NPR2: variants seen among roughly 807,000 people sequenced by gnomAD.
The protein encoded by NPR2 is natriuretic peptide receptor 2, also known as atrial natriuretic peptide receptor 2.
Under a neutral mutation model 120.7 loss-of-function variants are expected in NPR2, and 49 were observed. The observed-to-expected ratio is 0.41, with a 90% CI of 0.32 to 0.52. The LOEUF (loss-of-function observed/expected upper bound fraction) is 0.52, where lower values mean the gene tolerates loss of function less well. NPR2 is among the 20% of genes least tolerant of loss of function. The pLI, the probability that NPR2 is intolerant of heterozygous loss-of-function variation, is 0.36. For missense variants in NPR2, 931 were observed against 1,362.9 expected (o/e 0.68, Z 4.99); for synonymous variants, 484 against 519.8 (o/e 0.93, Z 0.94).
intron 1 of NPR2, 29 bp from the exon 2 acceptor site, chr9:35,793,869 G>A (rs1827862929): frequency 2.5e-6 from 4 of 1,610,858 alleles, no homozygotes; most frequent in South Asian, 1.1e-5. Flanking sequence ...CCTTCTCAGG[G>A]TGCTCCTCTG....
intron 2 of NPR2, among the ~76,000 whole-genome samples, chr9:35,795,030 T>C (rs1282182359): frequency 6.6e-6 from 1 of 152,290 alleles, no homozygotes; most frequent in Middle Eastern, 3.4e-3. Context: ...GTGGGGAATG[T>C]TGGCATGACT....
Position 35,800,752 on chromosome 9 carries a change from C to T in NPR2, c.1262C>T (p.Thr421Met), listed in dbSNP as rs140361919. The T allele has an allele frequency of 4.3e-5, 69 of 1,614,094 alleles. No individual in the cohort carries two copies. Among genetic ancestry groups the T allele is most frequent in the African/African-American group, 2.9e-4 (22 of 75,000 alleles). The change falls in exon 6 of 22, where the codon ACG (threonine) becomes ATG (methionine). Residue 421 changes from threonine to methionine, a missense_variant. Thr to Met is a moderately conservative substitution (Grantham distance 81, BLOSUM62 -1). This residue lies in a region of NPR2 where 681 missense variants were observed against 974.3 expected (regional missense o/e 0.70). Coordinates refer to ENST00000342694, the MANE Select transcript of NPR2 (RefSeq NM_003995.4). This position sits in a 1 kb window ranked among gnomAD's most constrained non-coding sequence, Gnocchi z 4.7. ...GGAGCTGAGAAGCAGATTTGGTGGACGGGACGGCCTATTCCCTGGGTGAAG... is the reference window on the plus strand; with the variant it reads ...GGAGCTGAGAAGCAGATTTGGTGGATGGGACGGCCTATTCCCTGGGTGAAG... The part of the protein sequence containing the change: ...YSGAEKQIWW[T>M]GRPIPWVKGA...
chr9:35,800,513 G>C lies in NPR2; in HGVS notation c.1218+30G>C, dbSNP rs569929256. On this transcript the variant is annotated intron_variant, in intron 5 of 21. Coordinates refer to ENST00000342694, the MANE Select transcript of NPR2 (RefSeq NM_003995.4). The surrounding 1 kb of genome is among the most constrained non-coding windows in gnomAD (Gnocchi z 4.7). The stretch of plus-strand genomic sequence containing the variant: ...TGGAGGAGGAGGCAGGGAAGAGAGT[G>C]TGGCCCTGCAAAATCCAGCTTTCAA... 5.7e-6 allele frequency: 9 copies of C among 1,592,808 alleles called. No homozygotes were observed. The Admixed American group carries it at 8.3e-5, about 15-fold the overall frequency.
At chr9:35,807,510 C>T in intron 18 of NPR2, 112 bp downstream of exon 18, 1 of 858,114 alleles carries the variant, frequency 1.2e-6, no homozygotes, top group East Asian at 2.4e-5. Context: ...GTTTTCCCTC[C>T]AGGGTACTCA....
Position 35,802,538 on chromosome 9 carries a change from C to T in NPR2, c.1746C>T (p.Phe582=), listed in dbSNP as rs1828210762. 1 of 1,609,336 alleles carries T rather than the reference C, an allele frequency of 6.2e-7. No homozygotes were observed. The highest frequency in any genetic ancestry group is 1.3e-5 in the African/African-American group (1 of 74,956). The change falls in exon 11 of 22, where the codon TTC becomes TTT. Residue 582 remains phenylalanine (F), a synonymous_variant. Transcript: ENST00000342694. This position sits in a 1 kb window ranked among gnomAD's most constrained non-coding sequence, Gnocchi z 4.2. ...TTCAGTTCAACCATCTCACTCGCTTCATTGGCGCCTGCATAGACCCTCCCA... is the reference window on the plus strand; with the variant it reads ...TTCAGTTCAACCATCTCACTCGCTTTATTGGCGCCTGCATAGACCCTCCCA... ...RDVQFNHLTR[F]IGACIDPPNI...
intron 1 of NPR2, among the ~76,000 whole-genome samples, chr9:35,793,550 G>A (rs1468434108): frequency 6.6e-6 from 1 of 152,170 alleles, no homozygotes; most frequent in Admixed American, 6.5e-5. Context: ...AGAAATCTGT[G>A]CTGTCTGTGC....
Position 35,805,996 on chromosome 9 carries a change from A to G in NPR2, c.2203+11A>G, listed in dbSNP as rs1448338533. 1 of 1,614,184 alleles carries G rather than the reference A, an allele frequency of 6.2e-7. No individual in the cohort carries two copies. The highest frequency in any genetic ancestry group is 1.1e-5 in the South Asian group (1 of 91,086). On this transcript the variant is annotated intron_variant, in intron 14 of 21. Coordinates refer to ENST00000342694, the MANE Select transcript of NPR2 (RefSeq NM_003995.4). This position sits in a 1 kb window ranked among gnomAD's most constrained non-coding sequence, Gnocchi z 4.9. ...ACCTCAGCCCCAAAGGTAAGAGTCA[A>G]TCCACTACCCACAGCCTCTTCTTCC...
Position 35,800,965 on chromosome 9 carries a change from A to G in NPR2, c.1352-105A>G. 5.2e-6 allele frequency: 8 copies of G among 1,535,382 alleles called. No homozygotes were observed. The highest frequency in any genetic ancestry group is 7.2e-6 in the Non-Finnish European group (8 of 1,108,854). ...TTTACGTCTGCATCCCTCCCTCCTCATTTCTTCCTACTCCCAAGGAGTCTG... is the reference window on the plus strand; with the variant it reads ...TTTACGTCTGCATCCCTCCCTCCTCGTTTCTTCCTACTCCCAAGGAGTCTG... On this transcript the variant is annotated intron_variant, in intron 6 of 21. Coordinates refer to ENST00000342694, the MANE Select transcript of NPR2 (RefSeq NM_003995.4). This position sits in a 1 kb window ranked among gnomAD's most constrained non-coding sequence, Gnocchi z 4.7.
At chr9:35,796,320 G>A (rs1337412585) in intron 2 of NPR2, among the ~76,000 whole-genome samples, 1 of 152,220 alleles carries the variant, frequency 6.6e-6, no homozygotes, top group East Asian at 1.9e-4. Flanking sequence ...CGAGTTGCTG[G>A]GACTACAGGC....
rs1465702214 is a variant in NPR2 at position 35,801,107 on chromosome 9, A to G, written c.1389A>G (p.Thr463=). ...LSTLAIVALG[T]GITFIMFGVS... The stretch of plus-strand genomic sequence containing the variant: ...CCCTGGCAATTGTGGCTCTGGGCAC[A>G]GGAATCACCTTCATCATGTTTGGTG... The change falls in exon 7 of 22, where the codon ACA becomes ACG. Residue 463 remains threonine, a synonymous_variant. Transcript: ENST00000342694. 1 of 1,614,138 alleles carries G rather than the reference A, an allele frequency of 6.2e-7. No homozygotes were observed. Among genetic ancestry groups the G allele is most frequent in the South Asian group, 1.1e-5 (1 of 91,082 alleles).
Position 35,802,859 on chromosome 9 carries a change from TTTGA to T in NPR2, c.1887+60_1887+63del. 1 of 1,202,710 alleles carries T rather than the reference TTTGA, an allele frequency of 8.3e-7. No individual in the cohort carries two copies. Among genetic ancestry groups the T allele is most frequent in the Non-Finnish European group, 1.2e-6 (1 of 806,198 alleles). The allele number at this position is 1,202,710 out of a possible 1,614,324, so 74.5% of individuals were successfully genotyped here. A position where few individuals can be genotyped will look rare whatever the true frequency, so the allele number is the denominator to read the frequency against. On this transcript the variant is annotated intron_variant, in intron 12 of 21. Transcript: ENST00000342694. The surrounding 1 kb of genome is among the most constrained non-coding windows in gnomAD (Gnocchi z 4.2). ...CCACTTTAAATCACTTCCACTGTTCTTTGATTGTGGTTTTTCTCCTTCTAGTCCT... is the reference window on the plus strand; with the variant it reads ...CCACTTTAAATCACTTCCACTGTTCTTTGTGGTTTTTCTCCTTCTAGTCCT...
chr9:35,804,233 C>T (rs1828279520), intron 12 of NPR2, among the ~76,000 whole-genome samples: 1 of 139,506 alleles, frequency 7.2e-6, no homozygotes. Context: ...ATCATTAAGA[C>T]TTTTTTTTTT....
At chr9:35,807,283 A>G (rs1247301907) in intron 17 of NPR2, 47 bp from the exon 18 acceptor site, 1 of 1,551,954 alleles carries the variant, frequency 6.4e-7, no homozygotes, top group Admixed American at 1.7e-5. Flanking sequence ...GAATTCTTAG[A>G]AAATTGGGCA....
In NPR2 at chr9:35,806,690, G is replaced by A. The variant is rs564177556; in HGVS notation, c.2519+152G>A. The A allele has an allele frequency of 2.3e-6, 2 of 876,970 alleles. No individual in the cohort carries two copies. The highest frequency in any genetic ancestry group is 3.7e-6 in the Non-Finnish European group (2 of 539,378). The allele number at this position is 876,970 out of a possible 1,614,324, so 54.3% of individuals were successfully genotyped here. A position where few individuals can be genotyped will look rare whatever the true frequency, so the allele number is the denominator to read the frequency against. ...CTTATAGATTATTTGCTGTCATTCT[G>A]TCTCCACATCAGCTATGCTGCCTTC... On this transcript the variant is annotated intron_variant, in intron 16 of 21. Transcript: ENST00000342694. The surrounding 1 kb of genome is among the most constrained non-coding windows in gnomAD (Gnocchi z 4.6).
chr9:35,806,749 T>A lies in NPR2; in HGVS notation c.2519+211T>A, dbSNP rs902968037. 6.6e-6 allele frequency among the ~76,000 whole-genome samples: 1 copy of A among 152,214 alleles called. No individual in the cohort carries two copies. The highest frequency in any genetic ancestry group is 2.4e-5 in the African/African-American group (1 of 41,458). Reference sequence around the variant, plus strand: ...TGCCCATCCCTTCTTCTTAAGACCCTGCTCTACCACACCCTTGCTTCAGCA... The same window carrying A: ...TGCCCATCCCTTCTTCTTAAGACCCAGCTCTACCACACCCTTGCTTCAGCA... On this transcript the variant is annotated intron_variant, in intron 16 of 21. Coordinates refer to ENST00000342694, the MANE Select transcript of NPR2 (RefSeq NM_003995.4). The surrounding 1 kb of genome is among the most constrained non-coding windows in gnomAD (Gnocchi z 4.6).
chr9:35,800,637 C>G lies in NPR2; in HGVS notation c.1219-72C>G. On this transcript the variant is annotated intron_variant, in intron 5 of 21. Coordinates refer to ENST00000342694, the MANE Select transcript of NPR2 (RefSeq NM_003995.4). The surrounding 1 kb of genome is among the most constrained non-coding windows in gnomAD (Gnocchi z 4.7). ...GGTGGTAGGCTGGGGAGAAAAGCAG[C>G]GAAACAGCTGGGGTCTGGGGAGGAG... is the stretch of plus-strand genomic sequence containing the variant. 6.2e-7 allele frequency: 1 copy of G among 1,611,574 alleles called. No homozygotes were observed. The highest frequency in any genetic ancestry group is 8.5e-7 in the Non-Finnish European group (1 of 1,178,314).
chr9:35,793,604 G>T (rs1323610000), intron 1 of NPR2, among the ~76,000 whole-genome samples: 2 of 152,118 alleles, frequency 1.3e-5, no homozygotes, highest in Non-Finnish European at 2.9e-5. Flanking sequence ...GGAGCAGGCC[G>T]GTTGGGTGGG....
chr9:35,800,702 C>A lies in NPR2; in HGVS notation c.1219-7C>A. Reference sequence around the variant, plus strand: ...GCCTGTGGGCCCAGCTTTTTGCTTCCTTACAGCCTGCAGCCCACTACTCGG... The same window carrying A: ...GCCTGTGGGCCCAGCTTTTTGCTTCATTACAGCCTGCAGCCCACTACTCGG... On this transcript the variant is annotated splice_region_variant and splice_polypyrimidine_tract_variant and intron_variant, in intron 5 of 21. Transcript: ENST00000342694. This position sits in a 1 kb window ranked among gnomAD's most constrained non-coding sequence, Gnocchi z 4.7. 6.2e-7 allele frequency: 1 copy of A among 1,614,126 alleles called. No individual in the cohort carries two copies. The highest frequency in any genetic ancestry group is 8.5e-7 in the Non-Finnish European group (1 of 1,180,010).
In NPR2 at chr9:35,800,019, C is replaced by A; in HGVS notation, c.988-3C>A. On this transcript the variant is annotated splice_polypyrimidine_tract_variant and splice_region_variant and intron_variant, in intron 3 of 21. Coordinates refer to ENST00000342694, the MANE Select transcript of NPR2 (RefSeq NM_003995.4). This position sits in a 1 kb window ranked among gnomAD's most constrained non-coding sequence, Gnocchi z 4.7. ...AGAGTACTGCTGAAGTTGCCACCCC[C>A]AGATGAACCTCATCGCTGGCTGCTT... is the stretch of plus-strand genomic sequence containing the variant. 1.9e-6 allele frequency: 3 copies of A among 1,613,926 alleles called. No individual in the cohort carries two copies. The highest frequency in any genetic ancestry group is 2.5e-6 in the Non-Finnish European group (3 of 1,180,020).
Sources: allele counts gnomAD v4.1 joint callset (sites outside exome capture counted in the v4.1 genomes callset), GRCh38; gene constraint gnomAD v4.1.1; regional missense constraint gnomAD v4.1.1; non-coding constraint Gnocchi (gnomAD v3.1); transcripts MANE v1.5; gene names NCBI Gene and HGNC (gene_info 2026-07-23, HGNC 2026-07-21).